Variants in HUWE1 observed in about 807,000 individuals in gnomAD.
The protein encoded by HUWE1 is HECT, UBA and WWE domain containing E3 ubiquitin protein ligase 1.
Under a neutral mutation model 299.4 loss-of-function variants are expected in HUWE1, and 18 were observed. The observed-to-expected ratio is 0.06, with a 90% CI of 0.04 to 0.09. The LOEUF is 0.09. Among genes scored for constraint, HUWE1 ranks in the 10% least tolerant of loss-of-function variants. The pLI is 1.00. For synonymous variants in HUWE1, 1,317 were observed against 1,286.1 expected, an observed-to-expected ratio of 1.02 and a Z score of -0.51; for missense variants, 1,832 against 3,462.3, an observed-to-expected ratio of 0.53 and a Z score of 11.82.
At chrX:53,624,286 C>T (rs1472376519) in intron 19 of HUWE1, among the ~76,000 whole-genome samples, 8 of 111,685 alleles carry the variant, frequency 7.2e-5, no homozygotes, top group Non-Finnish European at 1.5e-4. Flanking sequence ...TGCCCGGCCT[C>T]TCTGTGTTTT....
intron 7 of HUWE1, among the ~76,000 whole-genome samples, chrX:53,635,022 CAT>C (rs2067116113): frequency 9.0e-6 from 1 of 110,879 alleles, no homozygotes; most frequent in South Asian, 3.7e-4. Context: ...AATTATTTTA[CAT>C]ATATTACATA....
At chrX:53,684,253 A>C (rs1314696735) in intron 2 of HUWE1, 1 of 166,770 alleles carries the variant, frequency 6.0e-6, no homozygotes, top group Non-Finnish European at 1.2e-5. Context: ...TTCTTAATTC[A>C]CCGCAGGATG....
rs1557023567 is a variant in HUWE1 at position 53,632,467 on chromosome X, C to G, written c.645+20G>C. 1.8e-6 allele frequency: 2 copies of G among 1,141,009 alleles called. No homozygotes were observed. The highest frequency in any genetic ancestry group is 4.4e-5 in the Admixed American group (2 of 45,928). 94.0% of individuals were successfully genotyped at this position (1,141,009 alleles called of 1,213,427 possible). On this transcript the variant is annotated intron_variant, in intron 9 of 83. Coordinates refer to ENST00000262854, the MANE Select transcript of HUWE1 (RefSeq NM_031407.7). ...CAGTAAATTGTAGACTTTGTCAGAA[C>G]AAATCTGAATCAGACTCACCCTTTT...
chrX:53,600,973 T>C (rs1421213949), intron 28 of HUWE1, among the ~76,000 whole-genome samples: 1 of 112,164 alleles, frequency 8.9e-6, no homozygotes, highest in African/African-American at 3.2e-5. Flanking sequence ...CAATTTATTC[T>C]TTCCCTGAGT....
intron 3 of HUWE1, among the ~76,000 whole-genome samples, chrX:53,660,348 A>C (rs1445785710): frequency 1.8e-5 from 2 of 112,306 alleles, no homozygotes; most frequent in African/African-American, 6.5e-5. Context: ...TGATGCACCC[A>C]ATAAAATAAC....
intron 74 of HUWE1, among the ~76,000 whole-genome samples, chrX:53,541,836 A>AG (rs1312309731): frequency 2.7e-5 from 3 of 111,892 alleles, no homozygotes; most frequent in Non-Finnish European, 3.8e-5. Context: ...ACTGTATCTT[A>AG]GCTTAGGTGA....
chrX:53,608,353 A>T (rs1433378108), intron 24 of HUWE1, among the ~76,000 whole-genome samples: 2 of 97,980 alleles, frequency 2.0e-5, no homozygotes, highest in Non-Finnish European at 4.4e-5. Context: ...AAAGGGGGAA[A>T]ATATATGTTG....
intron 73 of HUWE1, 68 bp from the exon 74 acceptor site, chrX:53,542,607 T>C: frequency 4.0e-6 from 3 of 752,286 alleles, no homozygotes; most frequent in Admixed American, 2.2e-5. Context: ...AGGCTAGAGG[T>C]TGGCCCTTCC....
intron 3 of HUWE1, among the ~76,000 whole-genome samples, chrX:53,663,620 G>A (rs781813306): frequency 2.7e-5 from 3 of 111,577 alleles, no homozygotes; most frequent in Non-Finnish European, 5.7e-5. Context: ...TTCTCAAGTG[G>A]CTGCAAACTG....
At position 53,588,544 on chromosome X, in the gene HUWE1, CA is replaced by C. The variant is rs781945430; in HGVS notation, c.4462-11del. 5.0e-6 allele frequency: 6 copies of C among 1,194,873 alleles called. No individual in the cohort carries two copies. The highest frequency in any genetic ancestry group is 1.8e-5 in the African/African-American group (1 of 56,984). ...CAGCAGCTTCCCACACCTAGAAAAG[CA>C]AAAAAAGGGTTAAGTCACGGAACCG... On this transcript the variant is annotated splice_polypyrimidine_tract_variant and intron_variant, in intron 36 of 83. Transcript: ENST00000262854.
At chrX:53,623,754 C>T (rs2066300794) in intron 19 of HUWE1, among the ~76,000 whole-genome samples, 1 of 112,133 alleles carries the variant, frequency 8.9e-6, no homozygotes, top group East Asian at 2.8e-4. Flanking sequence ...AATAAGTGAA[C>T]TGTGCAAGAT....
At chrX:53,544,875 C>G (rs1556921347) in intron 71 of HUWE1, 113 bp from the exon 72 acceptor site, 1 of 914,864 alleles carries the variant, frequency 1.1e-6, no homozygotes, top group Non-Finnish European at 1.6e-6. Flanking sequence ...AGAAGGAAAT[C>G]TTCCAAGTAG....
intron 31 of HUWE1, 85 bp from the exon 32 acceptor site, chrX:53,593,686 T>G: frequency 3.2e-5 from 21 of 664,729 alleles, no homozygotes; most frequent in Non-Finnish European, 4.7e-5. Context: ...CCCCAATCTC[T>G]ATATTGGCCC....
At chrX:53,586,252 T>C (rs2063852331) in intron 39 of HUWE1, among the ~76,000 whole-genome samples, 1 of 112,157 alleles carries the variant, frequency 8.9e-6, no homozygotes, top group Non-Finnish European at 1.9e-5. Flanking sequence ...GATTGCTGTA[T>C]ACTCAGTCCC....
At position 53,607,581 on chromosome X, in the gene HUWE1, A is replaced by G. The variant is rs1569487186; in HGVS notation, c.2438T>C (p.Ile813Thr). 8.3e-7 allele frequency: 1 copy of G among 1,211,618 alleles called. No homozygotes were observed. Among genetic ancestry groups the G allele is most frequent in the Non-Finnish European group, 1.1e-6 (1 of 895,015 alleles). ...VTILGLPNLP[I>T]DFPTSAACQA... ...ACAGGCAGCAGATGTGGGAAAGTCA[A>G]TGGGCAGATTGGGAAGACCCAAAAT... Residue 813 changes from isoleucine (I) to threonine (T), a missense_variant, in exon 25 of 84, where the codon ATT becomes ACT. Ile to Thr is a moderately conservative substitution (Grantham distance 89). This residue lies in a region of HUWE1 where 658 missense variants were observed against 1,282.6 expected (regional missense o/e 0.51). Transcript: ENST00000262854.
intron 47 of HUWE1, 70 bp downstream of exon 47, chrX:53,573,680 G>A: frequency 1.1e-6 from 1 of 904,783 alleles, no homozygotes; most frequent in Non-Finnish European, 1.6e-6. Context: ...TCCCAGCAGT[G>A]TCTGACACAG....
intron 83 of HUWE1, 154 bp downstream of exon 83, chrX:53,533,853 A>C: frequency 1.8e-6 from 1 of 545,453 alleles, no homozygotes; most frequent in Non-Finnish European, 3.2e-6. Flanking sequence ...ATCTCATCTC[A>C]AACATCACCT....
chrX:53,605,251 G>A (rs782310807), intron 25 of HUWE1, among the ~76,000 whole-genome samples: 2 of 112,303 alleles, frequency 1.8e-5, no homozygotes, highest in East Asian at 5.6e-4. Context: ...TAGGAATCAG[G>A]TAGGCAATTT....
At chrX:53,646,368 G>C (rs960693691) in intron 6 of HUWE1, among the ~76,000 whole-genome samples, 1 of 110,944 alleles carries the variant, frequency 9.0e-6, no homozygotes, top group African/African-American at 3.3e-5. Context: ...ATGTTGCCCA[G>C]ACTGGTCTTG....
Sources: allele counts gnomAD v4.1 joint callset (sites outside exome capture counted in the v4.1 genomes callset), GRCh38; gene constraint gnomAD v4.1.1; regional missense constraint gnomAD v4.1.1; transcripts MANE v1.5; gene names NCBI Gene and HGNC (gene_info 2026-07-23, HGNC 2026-07-21).